The following S1PR2 variants were observed in gnomAD, a reference collection of about 807,000 sequenced individuals.
S1PR2 encodes the protein sphingosine-1-phosphate receptor 2.
In S1PR2, 9 loss-of-function variants were observed where a neutral mutation model predicts 16.1. The ratio of observed to expected loss-of-function variants is 0.56; its 90% CI spans 0.34 to 0.98. The LOEUF is 0.98. S1PR2 is among the 50% of genes least tolerant of loss of function. S1PR2 has a pLI of 0.02. For synonymous variants in S1PR2, 224 were observed against 233.9 expected (o/e 0.96, Z 0.38); for missense variants, 361 against 488.4 (o/e 0.74, Z 2.46).
chr19:10,228,914 G>A (rs376051381), intron 1 of S1PR2, among the ~76,000 whole-genome samples: 13 of 152,180 alleles, frequency 8.5e-5, no homozygotes, highest in African/African-American at 3.1e-4. Flanking sequence ...GGCTTCCAAG[G>A]TCCTCTCCAC....
intron 1 of S1PR2, among the ~76,000 whole-genome samples, chr19:10,229,295 ATTTTTTT>A (rs923300373): frequency 2.0e-5 from 3 of 146,812 alleles, no homozygotes; most frequent in African/African-American, 7.5e-5. Context: ...CAAAAAAAAA[ATTTTTTT>A]TTTTTGAGAC....
rs767819389 is a variant in S1PR2, at chr19:10,223,522, G to A, written c.*322C>T. The A allele has an allele frequency of 3.0e-6, 1 of 336,864 alleles. No individual in the cohort carries two copies. The highest frequency in any genetic ancestry group is 5.4e-6 in the Non-Finnish European group (1 of 185,426). 20.9% of individuals were successfully genotyped at this position (336,864 alleles called of 1,614,324 possible). A position where few individuals can be genotyped will look rare whatever the true frequency, so the allele number is the denominator to read the frequency against. Reference sequence around the variant, plus strand: ...AAAATCCTTTGTACCAGGTGGTAAAGTGCTCCTGCCCTGAGCTCCCCTTAA... The same window carrying A: ...AAAATCCTTTGTACCAGGTGGTAAAATGCTCCTGCCCTGAGCTCCCCTTAA... On this transcript the variant is annotated 3_prime_UTR_variant, in exon 2 of 2. Transcript: ENST00000646641.
chr19:10,229,162 C>T (rs2039653961), intron 1 of S1PR2, among the ~76,000 whole-genome samples: 1 of 152,106 alleles, frequency 6.6e-6, no homozygotes, highest in South Asian at 2.1e-4. Context: ...GCCGATGAAG[C>T]CTCCTCCCAC....
intron 1 of S1PR2, among the ~76,000 whole-genome samples, chr19:10,228,573 C>T (rs562273366): frequency 6.6e-6 from 1 of 152,290 alleles, no homozygotes; most frequent in African/African-American, 2.4e-5. Context: ...GTTGACGCCT[C>T]CCAGAAAGAG....
chr19:10,228,833 G>A (rs2039651872), intron 1 of S1PR2, among the ~76,000 whole-genome samples: 1 of 152,168 alleles, frequency 6.6e-6, no homozygotes, highest in African/African-American at 2.4e-5. Flanking sequence ...TGGAAGGAAG[G>A]GAAGAGAGAT....
At chr19:10,228,507 T>C (rs1236016994) in intron 1 of S1PR2, among the ~76,000 whole-genome samples, 1 of 152,104 alleles carries the variant, frequency 6.6e-6, no homozygotes, top group East Asian at 1.9e-4. Flanking sequence ...GAGGCCCACA[T>C]TCTATCCAAG....
intron 1 of S1PR2, among the ~76,000 whole-genome samples, chr19:10,229,727 C>T (rs1165182591): frequency 6.6e-6 from 1 of 152,132 alleles, no homozygotes; most frequent in African/African-American, 2.4e-5. Context: ...TTAAAGGTCA[C>T]TTCCTCAGAG....
rs143418139 is a variant in S1PR2 at position 10,225,649 on chromosome 19, C to T, written c.-42-702G>A. The stretch of plus-strand genomic sequence containing the variant: ...TTCTGACCTCATGATCCGCCTGCCT[C>T]GGCCTCTCAAAGCGCTGGGATTACC... On this transcript the variant is annotated intron_variant, in intron 1 of 1. Transcript: ENST00000646641. Among the ~76,000 whole-genome samples, 297 of 151,974 alleles carry T rather than the reference C, an allele frequency of 2.0e-3. 2 individuals carry two copies. The highest frequency in any genetic ancestry group is 6.4e-3 in the African/African-American group (267 of 41,454).
In S1PR2 at chr19:10,223,881, G is replaced by A. The variant is rs762697846; in HGVS notation, c.1025C>T (p.Thr342Met). The change falls in exon 2 of 2, where the codon ACG becomes ATG. Residue 342 changes from threonine (T) to methionine (M), a missense_variant. Transcript: ENST00000646641. ...SSLERGMHMP[T>M]SPTFLEGNTV... The stretch of plus-strand genomic sequence containing the variant: ...GTTGCCCTCCAGAAACGTGGGTGAC[G>A]TGGGCATGTGCATGCCCCTCTCCAG... The A allele has an allele frequency of 1.3e-5, 20 of 1,558,202 alleles. No individual in the cohort carries two copies. Among genetic ancestry groups the A allele is most frequent in the Non-Finnish European group, 1.6e-5 (19 of 1,152,908 alleles).
At position 10,223,215 on chromosome 19, in the gene S1PR2, G is replaced by A. The variant is rs1389019448; in HGVS notation, c.*629C>T. ...AAAAAAAAAAAAAAAAGCCGGGCAC[G>A]GTGGCTCACGCCTGTAATCCCAGCA... On this transcript the variant is annotated 3_prime_UTR_variant, in exon 2 of 2. Transcript: ENST00000646641. 1.6e-5 allele frequency: 2 copies of A among 127,174 alleles called. No homozygotes were observed. The highest frequency in any genetic ancestry group is 2.5e-4 in the East Asian group (1 of 4,060). The allele number at this position is 127,174 out of a possible 1,614,324, so 7.9% of individuals were successfully genotyped here. A position where few individuals can be genotyped will look rare whatever the true frequency, so the allele number is the denominator to read the frequency against.
intron 1 of S1PR2, among the ~76,000 whole-genome samples, chr19:10,230,210 A>T (rs2039662451): frequency 2.0e-5 from 3 of 152,286 alleles, no homozygotes; most frequent in East Asian, 1.9e-4. Flanking sequence ...CGGCCTCCTT[A>T]TCTGGTTTAG....
At chr19:10,229,505 G>C (rs2039656000) in intron 1 of S1PR2, among the ~76,000 whole-genome samples, 1 of 152,170 alleles carries the variant, frequency 6.6e-6, no homozygotes, top group East Asian at 1.9e-4. Flanking sequence ...GGCCAGGCTG[G>C]TCTGGAACTC....
chr19:10,230,940 A>T (rs560381580), intron 1 of S1PR2, among the ~76,000 whole-genome samples: 1 of 152,328 alleles, frequency 6.6e-6, no homozygotes, highest in African/African-American at 2.4e-5. Context: ...TCCAGTCGAA[A>T]GCGCTCGGAT....
At position 10,223,982 on chromosome 19, in the gene S1PR2, C is replaced by T. The variant is rs754720067; in HGVS notation, c.924G>A (p.Pro308=). Residue 308 remains proline (P), a synonymous_variant, in exon 2 of 2, where the codon CCG becomes CCA. Transcript: ENST00000646641. ...EVLRPLQCWR[P]GVGVQGRRRG... ...GCCTCCGTCCTTGCACCCCCACCCC[C>T]GGCCTCCAGCACTGCAGCGGCCGAA... The T allele has an allele frequency of 9.3e-6, 15 of 1,609,770 alleles. No individual in the cohort carries two copies. Among genetic ancestry groups the T allele is most frequent in the South Asian group, 4.4e-5 (4 of 90,844 alleles).
At chr19:10,227,150 T>G (rs1349550726) in intron 1 of S1PR2, among the ~76,000 whole-genome samples, 1 of 150,910 alleles carries the variant, frequency 6.6e-6, no homozygotes, top group African/African-American at 2.4e-5. Flanking sequence ...ATGCCTTTCA[T>G]GAAGGGAGAG....
chr19:10,227,938 A>T (rs546118741), intron 1 of S1PR2, among the ~76,000 whole-genome samples: 46 of 152,156 alleles, frequency 3.0e-4, no homozygotes, highest in African/African-American at 9.9e-4. Context: ...CCTGGGGAGC[A>T]CGCTGTGCAG....
chr19:10,227,478 T>G (rs1026244751), intron 1 of S1PR2, among the ~76,000 whole-genome samples: 2 of 152,174 alleles, frequency 1.3e-5, no homozygotes, highest in Admixed American at 6.5e-5. Flanking sequence ...CCCTCCCAGA[T>G]AGCCACACAG....
Position 10,223,974 on chromosome 19 carries a change from C to A in S1PR2, c.932G>T (p.Gly311Val). 1.9e-6 allele frequency: 3 copies of A among 1,609,524 alleles called. No individual in the cohort carries two copies. Among genetic ancestry groups the A allele is most frequent in the Non-Finnish European group, 2.5e-6 (3 of 1,177,546 alleles). ...CCCGCCCCGCCTCCGTCCTTGCACC[C>A]CCACCCCCGGCCTCCAGCACTGCAG... ...RPLQCWRPGVGVQGRRRGGTP... is the reference protein window; with the variant it reads ...RPLQCWRPGVVVQGRRRGGTP... The change falls in exon 2 of 2, where the codon GGG (glycine) becomes GTG (valine). Residue 311 changes from glycine to valine, a missense_variant. Gly to Val is a moderately radical substitution (Grantham distance 109). Transcript: ENST00000646641.
Position 10,223,744 on chromosome 19 carries a change from G to T in S1PR2, c.*100C>A, listed in dbSNP as rs1024826191. The T allele has an allele frequency of 4.6e-6, 5 of 1,096,114 alleles. No individual in the cohort carries two copies. The African/African-American group carries it at 7.9e-5, about 17-fold the overall frequency. The allele number at this position is 1,096,114 out of a possible 1,614,324, so 67.9% of individuals were successfully genotyped here. On this transcript the variant is annotated 3_prime_UTR_variant, in exon 2 of 2. Coordinates refer to ENST00000646641, the MANE Select transcript of S1PR2 (RefSeq NM_004230.4). ...AACATCACCCAGGTCTGTGGGGCGGGGGCATCTGGCTCAGTAGCCCCAAGT... is the reference window on the plus strand; with the variant it reads ...AACATCACCCAGGTCTGTGGGGCGGTGGCATCTGGCTCAGTAGCCCCAAGT...
Sources: allele counts gnomAD v4.1 joint callset (sites outside exome capture counted in the v4.1 genomes callset), GRCh38; gene constraint gnomAD v4.1.1; transcripts MANE v1.5; gene names NCBI Gene and HGNC (gene_info 2026-07-23, HGNC 2026-07-21).